The following LVRN variants were observed in gnomAD, a reference collection of about 807,000 sequenced individuals.
LVRN encodes aminopeptidase Q.
Under a neutral mutation model 111.4 loss-of-function variants are expected in LVRN, and 99 were observed. That is an observed-to-expected ratio of 0.89 (90% CI 0.76 to 1.05). The LOEUF is 1.05. LVRN is among the 50% of genes least tolerant of loss of function. The pLI is 0.00. For missense variants in LVRN, 1,414 were observed against 1,206.8 expected (o/e 1.17, Z -2.54); for synonymous variants, 488 against 449.5 (o/e 1.09, Z -1.08).
At position 115,964,872 on chromosome 5, in the gene LVRN, T is replaced by A. The variant is rs144576070; in HGVS notation, c.695+1560T>A. On this transcript the variant is annotated intron_variant, in intron 1 of 19. Transcript: ENST00000357872. ...CAAAATTGTGATGTTTTGGAAGAGT[T>A]GTTACCCTTTGGGTCTCTGCTTCTG... is the stretch of plus-strand genomic sequence containing the variant. Among the ~76,000 whole-genome samples, 10 of 152,318 alleles carry A rather than the reference T, an allele frequency of 6.6e-5. No homozygotes were observed. The East Asian group carries it at 1.9e-3, about 29-fold the overall frequency.
chr5:116,009,309 A>C (rs1282552382), intron 13 of LVRN, among the ~76,000 whole-genome samples: 3 of 152,246 alleles, frequency 2.0e-5, no homozygotes, highest in Non-Finnish European at 4.4e-5. Context: ...TTGATGATGC[A>C]CTTGGTTACA....
rs77533954 is a variant in LVRN, at chr5:115,968,906, G to C, written c.695+5594G>C. On this transcript the variant is annotated intron_variant, in intron 1 of 19. Transcript: ENST00000357872. Reference sequence around the variant, plus strand: ...GAGGAAAGTTCTGTAGAGTGTGAGTGGTTATCCAAGATGTGACTTTGAAAG... The same window carrying C: ...GAGGAAAGTTCTGTAGAGTGTGAGTCGTTATCCAAGATGTGACTTTGAAAG... 4.1e-3 allele frequency among the ~76,000 whole-genome samples: 631 copies of C among 152,286 alleles called. 5 individuals are homozygous for C. The highest frequency in any genetic ancestry group is 0.014 in the African/African-American group (580 of 41,550).
rs376051717 is a variant in LVRN at position 116,024,211 on chromosome 5, C to A, written c.2832+1745C>A. Among the ~76,000 whole-genome samples, 8 of 152,002 alleles carry A rather than the reference C, an allele frequency of 5.3e-5. 1 individual carries two copies. The highest frequency in any genetic ancestry group is 1.9e-4 in the African/African-American group (8 of 41,386). On this transcript the variant is annotated intron_variant, in intron 19 of 19. Coordinates refer to ENST00000357872, the MANE Select transcript of LVRN (RefSeq NM_173800.5). ...ATTGACTTTTACAGTTTAAGTAGAT[C>A]TAGTTTATTGTACATAAATTAAATC...
intron 2 of LVRN, 28 bp downstream of exon 2, chr5:115,983,457 G>A (rs373501201): frequency 3.2e-6 from 5 of 1,570,082 alleles, no homozygotes; most frequent in Middle Eastern, 1.7e-4. Context: ...TCTATATCTA[G>A]CTGTCTATCT....
Position 115,987,917 on chromosome 5 carries a change from C to T in LVRN, c.1083C>T (p.Ile361=). ...IFSFLEDLFN[I]SYSLPKTDII... is the part of the protein sequence containing the mutation. ...CTTTTCTGGAGGATTTGTTTAATAT[C>T]AGTTACTCTCTTCCAAAAACAGGTG... is the stretch of plus-strand genomic sequence containing the variant. The change falls in exon 4 of 20, where the codon ATC becomes ATT. Residue 361 remains isoleucine, a synonymous_variant. Coordinates refer to ENST00000357872, the MANE Select transcript of LVRN (RefSeq NM_173800.5). The T allele has an allele frequency of 1.9e-6, 3 of 1,611,546 alleles. No homozygotes were observed. The highest frequency in any genetic ancestry group is 2.5e-6 in the Non-Finnish European group (3 of 1,179,152).
At chr5:115,992,902 G>T (rs540237166) in intron 5 of LVRN, among the ~76,000 whole-genome samples, 2 of 152,304 alleles carry the variant, frequency 1.3e-5, no homozygotes, top group East Asian at 3.9e-4. Context: ...TGTTAAGAAA[G>T]AAATAATTTC....
At chr5:115,966,970 TC>T (rs1753217478) in intron 1 of LVRN, among the ~76,000 whole-genome samples, 1 of 152,226 alleles carries the variant, frequency 6.6e-6, no homozygotes. Context: ...TCACGTCTTT[TC>T]TTATTTTCTA....
At position 116,014,480 on chromosome 5, in the gene LVRN, G is replaced by A; in HGVS notation, c.2403G>A (p.Gln801=). ...GGTTGGGCCTTGAAGACTGCCTTCA[G>A]CTGTCAAAAGAACTTTTCGCAAAAT... ...ACWLGLEDCL[Q]LSKELFAKWV... The change falls in exon 16 of 20, where the codon CAG becomes CAA. Residue 801 remains glutamine, a synonymous_variant. Transcript: ENST00000357872. 1 of 1,613,632 alleles carries A rather than the reference G, an allele frequency of 6.2e-7. No individual in the cohort carries two copies. Among genetic ancestry groups the A allele is most frequent in the Non-Finnish European group, 8.5e-7 (1 of 1,179,662 alleles).
intron 10 of LVRN, among the ~76,000 whole-genome samples, chr5:116,001,887 TA>T (rs1346894912): frequency 6.6e-6 from 1 of 152,226 alleles, no homozygotes; most frequent in East Asian, 1.9e-4. Context: ...ATAGATTGTG[TA>T]AAAGTGAAAT....
intron 4 of LVRN, among the ~76,000 whole-genome samples, chr5:115,989,631 G>A (rs1463738266): frequency 6.6e-6 from 1 of 152,044 alleles, no homozygotes; most frequent in African/African-American, 2.4e-5. Flanking sequence ...ACTTTTTGTG[G>A]GATGGAGGAA....
At chr5:116,015,821 G>T (rs144056625) in intron 18 of LVRN, 56 bp downstream of exon 18, 1,393 of 1,593,806 alleles carry the variant, frequency 8.7e-4, no homozygotes, top group Middle Eastern at 3.2e-3. Context: ...GGCACTGGAA[G>T]CTCAGCTTTA....
In LVRN at chr5:116,026,446, T is replaced by C. The variant is rs778348134; in HGVS notation, c.*328T>C. ...TTTTGTTGCGAAGGCCAGTGGAATA[T>C]AAAAATCAATGGCATTAATGAGGAG... is the stretch of plus-strand genomic sequence containing the variant. On this transcript the variant is annotated 3_prime_UTR_variant, in exon 20 of 20. Coordinates refer to ENST00000357872, the MANE Select transcript of LVRN (RefSeq NM_173800.5). 8.2e-5 allele frequency: 28 copies of C among 343,558 alleles called. 1 individual carries two copies. Among genetic ancestry groups the C allele is most frequent in the Admixed American group, 7.4e-4 (16 of 21,610 alleles). 21.3% of individuals were successfully genotyped at this position (343,558 alleles called of 1,614,324 possible).
At chr5:115,978,057 G>C (rs1753484359) in intron 1 of LVRN, among the ~76,000 whole-genome samples, 1 of 152,202 alleles carries the variant, frequency 6.6e-6, no homozygotes, top group Non-Finnish European at 1.5e-5. Context: ...ATTTGTGCAG[G>C]TTTAGACAGA....
Position 116,002,890 on chromosome 5 carries a change from G to T in LVRN, c.1876G>T (p.Val626Phe). 1.2e-6 allele frequency: 2 copies of T among 1,609,552 alleles called. No homozygotes were observed. The highest frequency in any genetic ancestry group is 1.7e-6 in the Non-Finnish European group (2 of 1,176,556). ...WIKNGTTQPL[V>F]WLDQSSKVFP... The stretch of plus-strand genomic sequence containing the variant: ...AAAAAATGGAACTACACAACCTTTA[G>T]TCTGGCTAGATCAAAGCAGCAGTAA... Residue 626 changes from valine (V) to phenylalanine (F), a missense_variant, in exon 11 of 20, where the codon GTC (valine) becomes TTC (phenylalanine). Coordinates refer to ENST00000357872, the MANE Select transcript of LVRN (RefSeq NM_173800.5).
chr5:115,968,262 T>C (rs1003200468), intron 1 of LVRN, among the ~76,000 whole-genome samples: 3 of 54,474 alleles, frequency 5.5e-5, no homozygotes, highest in Non-Finnish European at 1.1e-4. Context: ...AAAGTTGTCT[T>C]CTATTCATAT....
intron 3 of LVRN, among the ~76,000 whole-genome samples, chr5:115,986,873 A>C (rs940515394): frequency 2.6e-5 from 4 of 152,150 alleles, no homozygotes; most frequent in African/African-American, 9.7e-5. Flanking sequence ...TTTCCTTAGC[A>C]TTTTCTCTAA....
chr5:115,984,101 T>C (rs1419765037), intron 2 of LVRN, among the ~76,000 whole-genome samples: 3 of 152,192 alleles, frequency 2.0e-5, no homozygotes, highest in Non-Finnish European at 4.4e-5. Flanking sequence ...ATCGAGTGCC[T>C]GGCCCTTGTA....
At chr5:115,981,234 A>G (rs1753553446) in intron 1 of LVRN, among the ~76,000 whole-genome samples, 2 of 152,296 alleles carry the variant, frequency 1.3e-5, no homozygotes, top group South Asian at 2.1e-4. Context: ...TACTGATATC[A>G]TGCTGCTTTT....
Position 116,001,194 on chromosome 5 carries a change from C to A in LVRN, c.1775C>A (p.Pro592Gln), listed in dbSNP as rs776883576. ...TCTACTGGCGTCATGAAACAGGAGC[C>A]ATTTTATCTTGAAAACATTAAAAAT... is the stretch of plus-strand genomic sequence containing the variant. Reference protein sequence around the residue: ...NVSTGVMKQEPFYLENIKNRT... With the variant: ...NVSTGVMKQEQFYLENIKNRT... The change falls in exon 10 of 20, where the codon CCA (proline) becomes CAA (glutamine). Residue 592 changes from proline to glutamine, a missense_variant. By Grantham distance (76) the Pro-to-Gln change is moderately conservative. Coordinates refer to ENST00000357872, the MANE Select transcript of LVRN (RefSeq NM_173800.5). The A allele has an allele frequency of 3.5e-5, 56 of 1,613,794 alleles. No homozygotes were observed. The highest frequency in any genetic ancestry group is 4.0e-5 in the African/African-American group (3 of 74,888).
Sources: gnomAD v4.1 joint callset for allele counts (sites outside exome capture counted in the v4.1 genomes callset) on GRCh38, gnomAD v4.1.1 for gene constraint, MANE v1.5 for transcripts, NCBI Gene and HGNC (gene_info 2026-07-23, HGNC 2026-07-21) for gene names.